The following RIOK2 variants were observed in gnomAD, a reference collection of about 807,000 sequenced individuals.
The protein encoded by RIOK2 is serine/threonine-protein kinase RIO2.
RIOK2 carries 46 observed loss-of-function variants against 62.4 expected under a neutral mutation model. That is an observed-to-expected ratio of 0.74 (90% CI 0.58 to 0.94). The LOEUF is 0.94. Among genes scored for constraint, RIOK2 ranks in the 40% least tolerant of loss-of-function variants. The pLI is 0.00. For missense variants in RIOK2, 574 were observed against 658.0 expected (o/e 0.87, Z 1.40); for synonymous variants, 197 against 216.0 (o/e 0.91, Z 0.77).
intron 8 of RIOK2, 155 bp downstream of exon 8, chr5:97,167,312 T>G: frequency 6.9e-7 from 1 of 1,447,626 alleles, no homozygotes; most frequent in Non-Finnish European, 9.1e-7. Context: ...ATTTTGAGTT[T>G]TTAACAACAA....
intron 1 of RIOK2, chr5:97,182,805 C>T: frequency 1.9e-5 from 5 of 259,590 alleles, no homozygotes; most frequent in Non-Finnish European, 3.0e-5. Flanking sequence ...TTAAACCTTT[C>T]ACAGCTGGTC....
Position 97,168,971 on chromosome 5 carries a change from G to T in RIOK2, c.780-119C>A, listed in dbSNP as rs1748921633. 5.7e-6 allele frequency: 3 copies of T among 523,476 alleles called. No individual in the cohort carries two copies. In the East Asian group the frequency reaches 9.5e-5, roughly 17 times the overall value. 32.4% of individuals were successfully genotyped at this position (523,476 alleles called of 1,614,324 possible). A position where few individuals can be genotyped will look rare whatever the true frequency, so the allele number is the denominator to read the frequency against. On this transcript the variant is annotated intron_variant, in intron 6 of 9. Transcript: ENST00000283109. The stretch of plus-strand genomic sequence containing the variant: ...CTCCTCCTTACACAAGGAGATAAAA[G>T]ATGTTACACAAAAGAAAAAAGATAC...
chr5:97,170,658 GTC>G (rs1384714129), intron 6 of RIOK2, among the ~76,000 whole-genome samples: 2 of 152,130 alleles, frequency 1.3e-5, no homozygotes, highest in Non-Finnish European at 2.9e-5. Flanking sequence ...ACTTTTGAAC[GTC>G]TGTCAATTTA....
rs770380850 is a variant in RIOK2 at position 97,177,839 on chromosome 5, C to T, written c.215G>A (p.Gly72Asp). 1.2e-6 allele frequency: 2 copies of T among 1,607,084 alleles called. No individual in the cohort carries two copies. Among genetic ancestry groups the T allele is most frequent in the Non-Finnish European group, 8.5e-7 (1 of 1,175,294 alleles). ...IAWERTKTVQGYRLTNAGYDY... is the reference protein window; with the variant it reads ...IAWERTKTVQDYRLTNAGYDY... ...ATATCCTGCATTTGTCAACCGATAG[C>T]CCTGGACAGCTAGACAAAAATCAAA... is the stretch of plus-strand genomic sequence containing the variant. The change falls in exon 3 of 10, where the codon GGC becomes GAC. Residue 72 changes from glycine to aspartate, a missense_variant. Coordinates refer to ENST00000283109, the MANE Select transcript of RIOK2 (RefSeq NM_018343.3).
intron 2 of RIOK2, among the ~76,000 whole-genome samples, chr5:97,178,335 CTACA>C: frequency 1.4e-4 from 1 of 6,952 alleles, no homozygotes; most frequent in African/African-American, 3.7e-4. Flanking sequence ...TCTGCAGTAC[CTACA>C]TGCTCTTCAT....
chr5:97,165,785 C>A (rs929190682), intron 8 of RIOK2, among the ~76,000 whole-genome samples: 1 of 152,130 alleles, frequency 6.6e-6, no homozygotes, highest in African/African-American at 2.4e-5. Flanking sequence ...GTTTAAAAGA[C>A]CATTTAATCC....
chr5:97,180,008 A>ATATATATAAAATATATATATAT (rs1561522135), intron 1 of RIOK2, among the ~76,000 whole-genome samples: 1 of 65,246 alleles, frequency 1.5e-5, no homozygotes, highest in Non-Finnish European at 3.0e-5. Context: ...TATATATTAT[A>ATATATATAAAATATATATATAT]TATATATAAT....
At position 97,162,087 on chromosome 5, in the gene RIOK2, G is replaced by A. The variant is rs1748715644; in HGVS notation, c.*974C>T. On this transcript the variant is annotated 3_prime_UTR_variant, in exon 10 of 10. Transcript: ENST00000283109. ...AAAAGTCTGTACTATATTCCCTCTG[G>A]TAGAACATAATTAGGGATGCAAGTA... 6.6e-6 allele frequency: 1 copy of A among 151,942 alleles called. No homozygotes were observed. The highest frequency in any genetic ancestry group is 1.5e-5 in the Non-Finnish European group (1 of 68,014). The allele number at this position is 151,942 out of a possible 1,614,324, so 9.4% of individuals were successfully genotyped here.
intron 4 of RIOK2, among the ~76,000 whole-genome samples, chr5:97,173,485 C>T (rs1027519408): frequency 2.6e-5 from 4 of 152,168 alleles, no homozygotes; most frequent in Middle Eastern, 3.4e-3. Flanking sequence ...CACTTTTCCA[C>T]AAAAAATGAA....
Position 97,180,890 on chromosome 5 carries a change from T to G in RIOK2, c.67-1697A>C, listed in dbSNP as rs2544774. Among the ~76,000 whole-genome samples, 422 of 151,826 alleles carry G rather than the reference T, an allele frequency of 2.8e-3. 5 individuals carry two copies. Among genetic ancestry groups the G allele is most frequent in the Non-Finnish European group, 8.8e-4 (60 of 67,908 alleles). Reference sequence around the variant, plus strand: ...AAGCAAGTTTTAAGATTTTATTATTTTTTTTTTTTATAGAGCTTGGGAAAA... The same window carrying G: ...AAGCAAGTTTTAAGATTTTATTATTGTTTTTTTTTATAGAGCTTGGGAAAA... On this transcript the variant is annotated intron_variant, in intron 1 of 9. Transcript: ENST00000283109.
At chr5:97,173,702 G>A (rs1004705016) in intron 4 of RIOK2, among the ~76,000 whole-genome samples, 2 of 151,958 alleles carry the variant, frequency 1.3e-5, no homozygotes, top group African/African-American at 2.4e-5. Flanking sequence ...ACTCATCTTC[G>A]GACATATTAG....
chr5:97,173,335 TA>T (rs1440822340), intron 4 of RIOK2, 72 bp from the exon 5 acceptor site: 3 of 938,652 alleles, frequency 3.2e-6, no homozygotes. Context: ...AAAGTAAATA[TA>T]CCTTTCTACA....
intron 5 of RIOK2, among the ~76,000 whole-genome samples, chr5:97,172,702 AT>A (rs2112835641): frequency 1.3e-5 from 2 of 152,332 alleles, no homozygotes; most frequent in South Asian, 4.1e-4. Flanking sequence ...GCTAATCTGA[AT>A]CAAAATTTGA....
intron 4 of RIOK2, among the ~76,000 whole-genome samples, chr5:97,176,430 T>C (rs1382646690): frequency 2.0e-5 from 3 of 152,284 alleles, no homozygotes; most frequent in South Asian, 2.1e-4. Context: ...CAACCTCTGC[T>C]TCCTGGGTTC....
chr5:97,165,494 A>AT (rs1437119809), intron 8 of RIOK2, among the ~76,000 whole-genome samples: 1 of 152,094 alleles, frequency 6.6e-6, no homozygotes, highest in Non-Finnish European at 1.5e-5. Context: ...CCCTATCTAA[A>AT]TTTTTGAGAC....
intron 8 of RIOK2, chr5:97,166,291 C>G (rs979306933): frequency 2.2e-5 from 10 of 454,976 alleles, no homozygotes; most frequent in African/African-American, 2.0e-4. Context: ...CTCTGTCACC[C>G]CTCTTTTCCT....
At chr5:97,183,076 GGTCACACA>G in intron 1 of RIOK2, 42 bp downstream of exon 1, 1 of 1,589,710 alleles carries the variant, frequency 6.3e-7, no homozygotes, top group Non-Finnish European at 8.6e-7. Flanking sequence ...AACAGGAAGA[GGTCACACA>G]GTGTTAAGGG....
At chr5:97,175,959 G>A (rs1749152197) in intron 4 of RIOK2, 1 of 152,014 alleles carries the variant, frequency 6.6e-6, no homozygotes, top group Non-Finnish European at 1.5e-5. Context: ...TCAGGGGACA[G>A]TATAAATGTA....
At chr5:97,169,049 A>G (rs1396280382) in intron 6 of RIOK2, among the ~76,000 whole-genome samples, 197 bp from the exon 7 acceptor site, 1 of 152,242 alleles carries the variant, frequency 6.6e-6, no homozygotes, top group African/African-American at 2.4e-5. Flanking sequence ...AATCTCAAGG[A>G]TATAAGCTGT....
Sources: gnomAD v4.1 joint callset for allele counts (sites outside exome capture counted in the v4.1 genomes callset) on GRCh38, gnomAD v4.1.1 for gene constraint, MANE v1.5 for transcripts, NCBI Gene and HGNC (gene_info 2026-07-23, HGNC 2026-07-21) for gene names.